STK38: variants seen among roughly 807,000 people sequenced by gnomAD.
The protein encoded by STK38 is serine/threonine kinase 38.
A neutral mutation model predicts 59.0 loss-of-function variants in STK38; 26 were observed. That is an observed-to-expected ratio of 0.44 (90% confidence interval 0.32 to 0.61). The LOEUF is 0.61. Among genes scored for constraint, STK38 ranks in the 20% least tolerant of loss-of-function variants. The pLI is 0.04. For synonymous variants in STK38, 175 were observed against 176.6 expected (o/e 0.99, Z 0.07); for missense variants, 433 against 566.0 (o/e 0.76, Z 2.38).
intron 10 of STK38, among the ~76,000 whole-genome samples, chr6:36,499,131 GAA>G (rs1313794290): frequency 6.6e-6 from 1 of 152,158 alleles, no homozygotes; most frequent in Non-Finnish European, 1.5e-5. Context: ...CATGCCCAAA[GAA>G]GAAATGAAAG....
intron 2 of STK38, 128 bp downstream of exon 2, chr6:36,539,944 C>T (rs1777891708): frequency 5.6e-6 from 8 of 1,440,416 alleles, no homozygotes; most frequent in Non-Finnish European, 6.4e-6. Context: ...CTTTCACTGT[C>T]ATTCCATTAT....
chr6:36,498,493 TA>T lies in STK38; in HGVS notation c.953-8del. The T allele has an allele frequency of 1.9e-6, 3 of 1,605,870 alleles. No homozygotes were observed. Among genetic ancestry groups the T allele is most frequent in the Admixed American group, 3.5e-5 (2 of 57,416 alleles). On this transcript the variant is annotated splice_region_variant and splice_polypyrimidine_tract_variant and intron_variant, in intron 10 of 13. Transcript: ENST00000229812. ...GAACAGAAAGGTGGGTAGCCTGTAA[TA>T]AAAAAGGAACTTCGGAGCTTTTACA... is the stretch of plus-strand genomic sequence containing the variant.
intron 2 of STK38, among the ~76,000 whole-genome samples, 172 bp downstream of exon 2, chr6:36,539,900 A>G (rs1041135724): frequency 3.3e-5 from 5 of 152,038 alleles, no homozygotes; most frequent in East Asian, 1.9e-4. Flanking sequence ...ACTTGTAGGC[A>G]TAAGTGGGTT....
At chr6:36,530,691 C>CTTTTCTT (rs1554169216) in intron 2 of STK38, among the ~76,000 whole-genome samples, 1 of 122,644 alleles carries the variant, frequency 8.2e-6, no homozygotes, top group African/African-American at 3.4e-5. Context: ...CTTTTCTTTT[C>CTTTTCTT]TTTTTTTTTT....
chr6:36,511,090 G>A (rs1411965662), intron 7 of STK38, among the ~76,000 whole-genome samples: 1 of 152,326 alleles, frequency 6.6e-6, no homozygotes, highest in African/African-American at 2.4e-5. Context: ...CAGAAGTGGT[G>A]TGGCCAAAAT....
intron 2 of STK38, 45 bp downstream of exon 2, chr6:36,540,027 G>T: frequency 1.9e-6 from 3 of 1,609,286 alleles, no homozygotes; most frequent in Non-Finnish European, 2.5e-6. Flanking sequence ...TACGAGAAAG[G>T]AATGCCACAA....
chr6:36,539,203 T>A (rs867151707), intron 2 of STK38, among the ~76,000 whole-genome samples: 1 of 151,472 alleles, frequency 6.6e-6, no homozygotes, highest in Non-Finnish European at 1.5e-5. Flanking sequence ...CTGGCCAACA[T>A]GGTGAAACCC....
intron 2 of STK38, among the ~76,000 whole-genome samples, chr6:36,527,230 T>TGTATATATATA (rs1561986951): frequency 6.0e-5 from 8 of 134,412 alleles, no homozygotes; most frequent in African/African-American, 2.3e-4. Context: ...ATATATATAT[T>TGTATATATATA]TATATGTATA....
intron 7 of STK38, among the ~76,000 whole-genome samples, chr6:36,509,871 C>T (rs1031110457): frequency 3.3e-5 from 5 of 152,260 alleles, no homozygotes; most frequent in African/African-American, 9.6e-5. Context: ...TTAGGAGACC[C>T]GGAGTAGATA....
In STK38 at chr6:36,495,393, G is replaced by A. The variant is rs1776677213; in HGVS notation, c.*391C>T. On this transcript the variant is annotated 3_prime_UTR_variant, in exon 14 of 14. Transcript: ENST00000229812. ...AAATACTTGGTGGGCTTGGCAGAGA[G>A]CGTGTCACAAAATTACAGGAACTGG... The A allele has an allele frequency of 5.6e-6, 1 of 178,742 alleles. No individual in the cohort carries two copies. The highest frequency in any genetic ancestry group is 1.2e-5 in the Non-Finnish European group (1 of 83,976). The allele number at this position is 178,742 out of a possible 1,614,324, so 11.1% of individuals were successfully genotyped here.
intron 2 of STK38, among the ~76,000 whole-genome samples, chr6:36,537,304 A>G (rs2127489874): frequency 6.6e-6 from 1 of 152,310 alleles, no homozygotes; most frequent in East Asian, 1.9e-4. Context: ...ACTCTCATAT[A>G]TTAATAATAT....
At chr6:36,519,538 T>C (rs920637110) in intron 5 of STK38, among the ~76,000 whole-genome samples, 1 of 152,204 alleles carries the variant, frequency 6.6e-6, no homozygotes, top group Admixed American at 6.5e-5. Context: ...TAACATTTCC[T>C]GTTTGTCAAG....
chr6:36,542,553 C>G (rs1005416177), intron 1 of STK38, among the ~76,000 whole-genome samples: 2 of 152,180 alleles, frequency 1.3e-5, no homozygotes, highest in Non-Finnish European at 2.9e-5. Flanking sequence ...AAGGCTGAGG[C>G]AGAATTGCTT....
Position 36,494,815 on chromosome 6 carries a change from G to A in STK38, c.*969C>T, listed in dbSNP as rs1286261248. On this transcript the variant is annotated 3_prime_UTR_variant, in exon 14 of 14. Coordinates refer to ENST00000229812, the MANE Select transcript of STK38 (RefSeq NM_007271.4). ...GGCTGGTTCCTTCACCATTTCCAAA[G>A]GGGTTCTGGAGACCTTGCAGGAACA... 1.3e-5 allele frequency: 2 copies of A among 152,432 alleles called. No individual in the cohort carries two copies. The highest frequency in any genetic ancestry group is 2.1e-4 in the South Asian group (1 of 4,830). 9.4% of individuals were successfully genotyped at this position (152,432 alleles called of 1,614,324 possible).
chr6:36,495,763 T>C lies in STK38; in HGVS notation c.*21A>G, dbSNP rs199928721. On this transcript the variant is annotated 3_prime_UTR_variant, in exon 14 of 14. Coordinates refer to ENST00000229812, the MANE Select transcript of STK38 (RefSeq NM_007271.4). Reference sequence around the variant, plus strand: ...GTTATACAAAGAACTCTGCTCCACATAGGATTCCGTGGCAAGAGTACTATT... The same window carrying C: ...GTTATACAAAGAACTCTGCTCCACACAGGATTCCGTGGCAAGAGTACTATT... 1,055 of 1,613,084 alleles carry C rather than the reference T, an allele frequency of 6.5e-4. 1 individual carries two copies. The highest frequency in any genetic ancestry group is 7.7e-4 in the Non-Finnish European group (905 of 1,179,388).
At chr6:36,518,334 C>T (rs1777303181) in intron 5 of STK38, among the ~76,000 whole-genome samples, 1 of 152,144 alleles carries the variant, frequency 6.6e-6, no homozygotes, top group Admixed American at 6.5e-5. Context: ...TCAATCCTTA[C>T]TGAATTGAAA....
chr6:36,539,223 T>C (rs1777872559), intron 2 of STK38, among the ~76,000 whole-genome samples: 1 of 151,674 alleles, frequency 6.6e-6, no homozygotes, highest in Non-Finnish European at 1.5e-5. Context: ...CCGTCTCTGC[T>C]AAAAATACAA....
chr6:36,532,305 T>C (rs1435710652), intron 2 of STK38, among the ~76,000 whole-genome samples: 4 of 118,986 alleles, frequency 3.4e-5, no homozygotes, highest in African/African-American at 1.1e-4. Context: ...AGACCTTGTC[T>C]GCATAAAAAA....
At chr6:36,534,677 T>C (rs1174146186) in intron 2 of STK38, among the ~76,000 whole-genome samples, 1 of 152,002 alleles carries the variant, frequency 6.6e-6, no homozygotes, top group South Asian at 2.1e-4. Context: ...AAAAATTTTT[T>C]AACCCAAATT....
Sources: allele counts gnomAD v4.1 joint callset (sites outside exome capture counted in the v4.1 genomes callset), GRCh38; gene constraint gnomAD v4.1.1; transcripts MANE v1.5; gene names NCBI Gene and HGNC (gene_info 2026-07-23, HGNC 2026-07-21).